The following ALG12 variants were observed in gnomAD, a reference collection of about 807,000 sequenced individuals.
ALG12 encodes the protein ALG12 alpha-1,6-mannosyltransferase, also known as dol-P-Man:Man(7)GlcNAc(2)-PP-Dol alpha-1,6-mannosyltransferase.
ALG12 carries 36 observed loss-of-function variants against 46.0 expected under a neutral mutation model. The observed-to-expected ratio is 0.78, with a 90% CI of 0.60 to 1.03. ALG12 has a LOEUF of 1.03. Among genes scored for constraint, ALG12 ranks in the 50% least tolerant of loss-of-function variants. The pLI, the probability that ALG12 is intolerant of heterozygous loss-of-function variation, is 0.00. For missense variants in ALG12, 599 were observed against 633.5 expected, an observed-to-expected ratio of 0.95 and a Z score of 0.58; for synonymous variants, 326 against 291.6, an observed-to-expected ratio of 1.12 and a Z score of -1.20.
the ALG12 span, among the ~76,000 whole-genome samples, chr22:49,861,459 C>T: frequency 1.7e-4 from 26 of 151,606 alleles, no homozygotes; most frequent in African/African-American, 5.6e-4. Flanking sequence ...TTTGAGATAG[C>T]GTCTGGCTCT....
Position 49,910,587 on chromosome 22 carries a change from C to T in ALG12, c.316G>A (p.Gly106Ser), listed in dbSNP as rs374188386. Reference sequence around the variant, plus strand: ...AACGTCCAGAGTCCAAAAATCACGCCGAGTCCAAGCACTCCTCTAACTAAA... The same window carrying T: ...AACGTCCAGAGTCCAAAAATCACGCTGAGTCCAAGCACTCCTCTAACTAAA... ...QLIVRGVLGLGVIFGLWTLQK... is the reference protein window; with the variant it reads ...QLIVRGVLGLSVIFGLWTLQK... Residue 106 changes from glycine to serine, a missense_variant, in exon 4 of 10, where the codon GGC becomes AGC. Physicochemically the swap from Gly to Ser is moderately conservative, Grantham distance 56. Coordinates refer to ENST00000330817, the MANE Select transcript of ALG12 (RefSeq NM_024105.4). The T allele has an allele frequency of 5.6e-6, 9 of 1,614,128 alleles. No individual in the cohort carries two copies. In the East Asian group the frequency reaches 6.7e-5, roughly 12 times the overall value.
chr22:49,883,592 G>A, the ALG12 span: 186 of 1,339,080 alleles, frequency 1.4e-4, no homozygotes, highest in Non-Finnish European at 1.6e-4. Flanking sequence ...ATCTACATTC[G>A]GGGGCACAAA....
the ALG12 span, among the ~76,000 whole-genome samples, chr22:49,879,599 G>T: frequency 7.1e-6 from 1 of 140,852 alleles, no homozygotes; most frequent in African/African-American, 2.6e-5. Context: ...GTGTCTGGGC[G>T]TGTTTCTATT....
the ALG12 span, among the ~76,000 whole-genome samples, chr22:49,867,142 C>T: frequency 6.6e-6 from 1 of 152,348 alleles, no homozygotes; most frequent in East Asian, 1.9e-4. Flanking sequence ...CAGTTTACCT[C>T]ACGGTTTGTT....
chr22:49,898,557 T>C (rs1319904719), downstream of ALG12, among the ~76,000 whole-genome samples: 1 of 151,614 alleles, frequency 6.6e-6, no homozygotes, highest in East Asian at 1.9e-4. Flanking sequence ...GCCCGGCTAA[T>C]TTTTGTATTT....
the ALG12 span, among the ~76,000 whole-genome samples, chr22:49,875,179 T>C: frequency 6.6e-6 from 1 of 152,104 alleles, no homozygotes; most frequent in African/African-American, 2.4e-5. Context: ...GCTGCTGATA[T>C]AAAGAATTGG....
rs925389913 is a variant in ALG12, at chr22:49,910,098, A to G, written c.470-10T>C. On this transcript the variant is annotated splice_polypyrimidine_tract_variant and intron_variant, in intron 4 of 9. Transcript: ENST00000330817. Reference sequence around the variant, plus strand: ...GCGAGGGCCAGCAGGACTGCAAGACAGTGCGGGAGGGTGCTCGTCAAGACA... The same window carrying G: ...GCGAGGGCCAGCAGGACTGCAAGACGGTGCGGGAGGGTGCTCGTCAAGACA... 12 of 1,597,236 alleles carry G rather than the reference A, an allele frequency of 7.5e-6. No homozygotes were observed. In the African/African-American group the frequency reaches 1.5e-4, roughly 20 times the overall value.
chr22:49,875,481 C>T, the ALG12 span, among the ~76,000 whole-genome samples: 73 of 149,692 alleles, frequency 4.9e-4, 2 homozygotes, highest in Non-Finnish European at 1.2e-4. Flanking sequence ...AGTACAGTGG[C>T]GCCATCTTGG....
the ALG12 span, among the ~76,000 whole-genome samples, chr22:49,877,875 G>A: frequency 7.2e-5 from 11 of 152,216 alleles, no homozygotes; most frequent in East Asian, 1.7e-3. Context: ...GGATTGTTTC[G>A]AGATTCATCC....
At chr22:49,873,471 C>G in the ALG12 span, among the ~76,000 whole-genome samples, 1 of 152,062 alleles carries the variant, frequency 6.6e-6, no homozygotes, top group African/African-American at 2.4e-5. Flanking sequence ...ACGATGGTAG[C>G]ATTAGAGAGT....
chr22:49,876,023 T>A, the ALG12 span, among the ~76,000 whole-genome samples: 1 of 152,170 alleles, frequency 6.6e-6, no homozygotes, highest in African/African-American at 2.4e-5. Flanking sequence ...TTGCTTTACT[T>A]TTGTGTGTTT....
the ALG12 span, among the ~76,000 whole-genome samples, chr22:49,862,369 GCTGGGACTACGGGCGTAAGCCA>G: frequency 6.6e-6 from 1 of 152,270 alleles, no homozygotes; most frequent in African/African-American, 2.4e-5. Context: ...CCTGCAAGTA[GCTGGGACTACGGGCGTAAGCCA>G]CTGCGCCCAG....
At chr22:49,908,160 G>A (rs973873599) in intron 6 of ALG12, among the ~76,000 whole-genome samples, 10 of 152,160 alleles carry the variant, frequency 6.6e-5, no homozygotes, top group African/African-American at 1.4e-4. Flanking sequence ...CTTGGGCGTC[G>A]GGCCCCCTCC....
chr22:49,910,657 G>C (rs1372719018), intron 3 of ALG12, 50 bp from the exon 4 acceptor site: 9 of 1,611,026 alleles, frequency 5.6e-6, no homozygotes, highest in Non-Finnish European at 7.6e-6. Context: ...GGAGTATCCA[G>C]TGGGGCCCCC....
At chr22:49,907,425 A>G (rs1247582454) in intron 7 of ALG12, among the ~76,000 whole-genome samples, 1 of 152,174 alleles carries the variant, frequency 6.6e-6, no homozygotes, top group African/African-American at 2.4e-5. Context: ...CAGGGAGGAG[A>G]GAGGACTGGG....
the ALG12 span, among the ~76,000 whole-genome samples, chr22:49,879,162 A>C: frequency 1.3e-3 from 185 of 145,914 alleles, no homozygotes; most frequent in African/African-American, 4.6e-3. Context: ...AACAAAAAAC[A>C]AAAAAAAACA....
the ALG12 span, among the ~76,000 whole-genome samples, chr22:49,872,340 A>C: frequency 7.2e-5 from 11 of 152,214 alleles, no homozygotes; most frequent in African/African-American, 2.7e-4. Flanking sequence ...TCCTAAGAGT[A>C]CAGCAATTCC....
the ALG12 span, among the ~76,000 whole-genome samples, chr22:49,877,232 CCTGT>C: frequency 3.3e-5 from 5 of 151,644 alleles, no homozygotes; most frequent in Admixed American, 1.3e-4. Context: ...TCTGACAATC[CCTGT>C]CTGTCTCAAA....
chr22:49,885,212 G>A, the ALG12 span: 56 of 1,613,476 alleles, frequency 3.5e-5, no homozygotes, highest in Non-Finnish European at 4.6e-5. Flanking sequence ...GGCTTCCTGG[G>A]TGCAAGTCTG....
Sources: allele counts gnomAD v4.1 joint callset (sites outside exome capture counted in the v4.1 genomes callset), GRCh38; gene constraint gnomAD v4.1.1; transcripts MANE v1.5; gene names NCBI Gene and HGNC (gene_info 2026-07-23, HGNC 2026-07-21).